The following TDRD3 variants were observed in gnomAD, a reference collection of about 807,000 sequenced individuals.
TDRD3 encodes tudor domain-containing protein 3.
In TDRD3, 45 loss-of-function variants were observed where a neutral mutation model predicts 86.7. That is an observed-to-expected ratio of 0.52 (90% CI 0.41 to 0.67). TDRD3 has a LOEUF of 0.67. TDRD3 is among the 30% of genes least tolerant of loss of function. The probability of loss-of-function intolerance (pLI) is 0.00; values close to 1 mark genes in which losing one functional copy is unlikely to be tolerated. For missense variants in TDRD3, 814 were observed against 889.0 expected, an observed-to-expected ratio of 0.92 and a Z score of 1.07; for synonymous variants, 298 against 301.7, an observed-to-expected ratio of 0.99 and a Z score of 0.13.
chr13:60,458,957 G>A (rs891560677), intron 3 of TDRD3, among the ~76,000 whole-genome samples: 2 of 152,128 alleles, frequency 1.3e-5, no homozygotes, highest in Non-Finnish European at 2.9e-5. Context: ...CAAATAAAAA[G>A]TTCATCCTGA....
At chr13:60,414,813 G>C (rs1645464457) in intron 1 of TDRD3, among the ~76,000 whole-genome samples, 1 of 151,784 alleles carries the variant, frequency 6.6e-6, no homozygotes, top group African/African-American at 2.4e-5. Context: ...ATCCTTCATT[G>C]GTTTCAATTG....
chr13:60,433,599 G>A (rs1467429182), intron 1 of TDRD3, among the ~76,000 whole-genome samples: 1 of 152,202 alleles, frequency 6.6e-6, no homozygotes, highest in Non-Finnish European at 1.5e-5. Flanking sequence ...CAACTTGGAA[G>A]TGAACAGGAG....
rs1053064588 is a variant in TDRD3, at chr13:60,546,508, A to G, written c.2118+11275A>G. ...GGCATAATTTAGAAATAAAAAATAT[A>G]TATCTCAAGGTGGTGATGATACACT... On this transcript the variant is annotated intron_variant, in intron 12 of 13. Transcript: ENST00000377881. Among the ~76,000 whole-genome samples, 5 of 152,142 alleles carry G rather than the reference A, an allele frequency of 3.3e-5. No individual in the cohort carries two copies. In the South Asian group the frequency reaches 6.2e-4, roughly 19 times the overall value.
At chr13:60,416,306 G>C (rs567942043) in intron 1 of TDRD3, among the ~76,000 whole-genome samples, 1 of 152,126 alleles carries the variant, frequency 6.6e-6, no homozygotes, top group African/African-American at 2.4e-5. Context: ...AACTAAGGAA[G>C]TTTTAAGAAC....
rs186571255 is a variant in TDRD3 at position 60,554,678 on chromosome 13, T to C, written c.2119-12847T>C. 1.5e-3 allele frequency among the ~76,000 whole-genome samples: 223 copies of C among 152,362 alleles called. 1 individual carries two copies. Among genetic ancestry groups the C allele is most frequent in the Non-Finnish European group, 2.6e-3 (180 of 68,028 alleles). The stretch of plus-strand genomic sequence containing the variant: ...CTAATACAGAGACTTCGTGCTTTCC[T>C]AACTTGTTCTTGCTGTCACTGTTTT... On this transcript the variant is annotated intron_variant, in intron 12 of 13. Coordinates refer to ENST00000377881, the MANE Select transcript of TDRD3 (RefSeq NM_001146070.2).
intron 1 of TDRD3, among the ~76,000 whole-genome samples, chr13:60,402,364 T>C (rs1419275217): frequency 6.6e-6 from 1 of 152,200 alleles, no homozygotes; most frequent in Admixed American, 6.5e-5. Context: ...CTTCTTATAC[T>C]AGTGGTAATA....
At chr13:60,473,897 G>A (rs1956126430) in intron 5 of TDRD3, among the ~76,000 whole-genome samples, 1 of 152,112 alleles carries the variant, frequency 6.6e-6, no homozygotes, top group African/African-American at 2.4e-5. Flanking sequence ...GAAGGCACCC[G>A]TTACTTAACA....
In TDRD3 at chr13:60,528,649, C is replaced by T; in HGVS notation, c.1424C>T (p.Ser475Phe). 6.2e-7 allele frequency: 1 copy of T among 1,613,890 alleles called. No individual in the cohort carries two copies. The highest frequency in any genetic ancestry group is 8.5e-7 in the Non-Finnish European group (1 of 1,179,900). ...AGAATCAAATGTGATAGACCGTATT[C>T]TAGATATGACAGAACTAAAGATACT... is the stretch of plus-strand genomic sequence containing the variant. ...EDRIKCDRPY[S>F]RYDRTKDTSY... Residue 475 changes from serine to phenylalanine, a missense_variant, in exon 11 of 14, where the codon TCT becomes TTT. Ser to Phe is a radical substitution (Grantham distance 155, BLOSUM62 -2). Transcript: ENST00000377881.
At chr13:60,462,842 G>C (rs1955829917) in intron 4 of TDRD3, among the ~76,000 whole-genome samples, 1 of 152,078 alleles carries the variant, frequency 6.6e-6, no homozygotes, top group South Asian at 2.1e-4. Flanking sequence ...AAAGCTGGAG[G>C]TATCACGTTA....
chr13:60,508,544 G>T (rs992110482), intron 8 of TDRD3, among the ~76,000 whole-genome samples: 11 of 152,130 alleles, frequency 7.2e-5, no homozygotes, highest in African/African-American at 2.4e-5. Context: ...AATAAATTTT[G>T]CTGGGAAAAC....
intron 1 of TDRD3, among the ~76,000 whole-genome samples, chr13:60,399,177 C>T (rs1362288050): frequency 6.6e-6 from 1 of 152,186 alleles, no homozygotes; most frequent in Admixed American, 6.5e-5. Context: ...TCTGTAAAGT[C>T]TAATACAGTT....
At chr13:60,405,453 T>A (rs1954212306) in intron 1 of TDRD3, among the ~76,000 whole-genome samples, 1 of 152,146 alleles carries the variant, frequency 6.6e-6, no homozygotes, top group Non-Finnish European at 1.5e-5. Context: ...CTTTTCATGG[T>A]GGTCAGAGAA....
intron 13 of TDRD3, 113 bp from the exon 14 acceptor site, chr13:60,573,503 T>G (rs1335740318): frequency 3.0e-5 from 18 of 594,784 alleles, no homozygotes; most frequent in Non-Finnish European, 3.6e-5. Flanking sequence ...AAGATCTATT[T>G]ATACAAACAC....
rs111563935 is a variant in TDRD3, at chr13:60,506,526, G to A, written c.859-3237G>A. 8.4e-3 allele frequency among the ~76,000 whole-genome samples: 1,272 copies of A among 152,192 alleles called. 9 individuals carry two copies. The highest frequency in any genetic ancestry group is 0.024 in the Middle Eastern group (7 of 294). On this transcript the variant is annotated intron_variant, in intron 8 of 13. Coordinates refer to ENST00000377881, the MANE Select transcript of TDRD3 (RefSeq NM_001146070.2). ...TTTTGGAGGCCAGGGTGGGCGGATCGCAAGGTCAGGATTGAGTTTGAGGAG... is the reference window on the plus strand; with the variant it reads ...TTTTGGAGGCCAGGGTGGGCGGATCACAAGGTCAGGATTGAGTTTGAGGAG...
chr13:60,407,109 C>CCAAAACAACA (rs1223040591), intron 1 of TDRD3, among the ~76,000 whole-genome samples: 1 of 152,094 alleles, frequency 6.6e-6, no homozygotes, highest in Non-Finnish European at 1.5e-5. Flanking sequence ...TGACTCAGTT[C>CCAAAACAACA]AAGCTTTGTT....
rs140376111 is a variant in TDRD3 at position 60,524,478 on chromosome 13, G to A, written c.1142-3889G>A. On this transcript the variant is annotated intron_variant, in intron 10 of 13. Transcript: ENST00000377881. ...GCCGAGACTGCACCACTGTACTCCA[G>A]CCTGGGCCACAGAGTGAGGCTCCAT... Among the ~76,000 whole-genome samples the A allele has an allele frequency of 2.9e-3, 435 of 150,552 alleles. 1 individual carries two copies. The highest frequency in any genetic ancestry group is 0.01 in the African/African-American group (415 of 40,914).
chr13:60,475,321 C>T lies in TDRD3; in HGVS notation c.495+7942C>T, dbSNP rs971159920. Among the ~76,000 whole-genome samples the T allele has an allele frequency of 5.9e-5, 9 of 152,168 alleles. No homozygotes were observed. The East Asian group carries it at 1.7e-3, about 29-fold the overall frequency. ...GTGTACTCAGTGTTTATTTAGCTCC[C>T]ACTTATAAGTGAGAACATATGGTAT... is the stretch of plus-strand genomic sequence containing the variant. On this transcript the variant is annotated intron_variant, in intron 5 of 13. Coordinates refer to ENST00000377881, the MANE Select transcript of TDRD3 (RefSeq NM_001146070.2).
chr13:60,456,613 T>A (rs999972302), intron 3 of TDRD3, among the ~76,000 whole-genome samples: 3 of 152,122 alleles, frequency 2.0e-5, no homozygotes, highest in Non-Finnish European at 4.4e-5. Context: ...AATTGGTATT[T>A]TTTTTACTTT....
Position 60,457,148 on chromosome 13 carries a change from C to T in TDRD3, c.193-3232C>T, listed in dbSNP as rs115214428. ...TTGTAAGCAGAATAATGAAAAAAAT[C>T]GTTATATTTACTGGTTTACTCATAG... On this transcript the variant is annotated intron_variant, in intron 3 of 13. Transcript: ENST00000377881. 3.3e-5 allele frequency among the ~76,000 whole-genome samples: 5 copies of T among 152,150 alleles called. No individual in the cohort carries two copies. The South Asian group carries it at 6.2e-4, about 19-fold the overall frequency.
Sources: allele counts gnomAD v4.1 joint callset (sites outside exome capture counted in the v4.1 genomes callset), GRCh38; gene constraint gnomAD v4.1.1; transcripts MANE v1.5; gene names NCBI Gene and HGNC (gene_info 2026-07-23, HGNC 2026-07-21).